RARG: variants seen among roughly 807,000 people sequenced by gnomAD.
The protein encoded by RARG is retinoic acid receptor gamma, also known as RAR-gamma.
Under a neutral mutation model 43.7 loss-of-function variants are expected in RARG, and 17 were observed. The ratio of observed to expected loss-of-function variants is 0.39; its 90% confidence interval spans 0.27 to 0.58. The LOEUF is 0.58. Ranked by LOEUF, RARG falls within the 20% of genes least tolerant of loss-of-function variation. The pLI is 0.57. For missense variants in RARG, 346 were observed against 598.7 expected (o/e 0.58, Z 4.40); for synonymous variants, 238 against 236.4 (o/e 1.01, Z -0.06).
intron 3 of RARG, among the ~76,000 whole-genome samples, chr12:53,216,387 T>C (rs1419678942): frequency 6.6e-6 from 1 of 152,150 alleles, no homozygotes; most frequent in African/African-American, 2.4e-5. Context: ...TCCTCAGGCT[T>C]ATCTCTCTCA....
Position 53,211,203 on chromosome 12 carries a change from C to T in RARG, c.*473G>A, listed in dbSNP as rs1942578903. On this transcript the variant is annotated 3_prime_UTR_variant, in exon 10 of 10. Coordinates refer to ENST00000425354, the MANE Select transcript of RARG (RefSeq NM_000966.6). This position sits in a 1 kb window ranked among gnomAD's most constrained non-coding sequence, Gnocchi z 4.6. The stretch of plus-strand genomic sequence containing the variant: ...CAAGGACGGGGCACAGAGGCTAGCA[C>T]ACACCCTGCAGGTGCATCACACAGC... 6.5e-6 allele frequency: 1 copy of T among 153,570 alleles called. No individual in the cohort carries two copies. Among genetic ancestry groups the T allele is most frequent in the East Asian group, 1.9e-4 (1 of 5,222 alleles). 9.5% of individuals were successfully genotyped at this position (153,570 alleles called of 1,614,324 possible). A position where few individuals can be genotyped will look rare whatever the true frequency, so the allele number is the denominator to read the frequency against.
chr12:53,220,068 A>C, intron 3 of RARG: 1 of 1,548,464 alleles, frequency 6.5e-7, no homozygotes, highest in Non-Finnish European at 8.7e-7. Flanking sequence ...GCCGTCGCGG[A>C]CCCGGGGCAA....
chr12:53,222,231 G>GAC (rs778113500), intron 3 of RARG, among the ~76,000 whole-genome samples: 4,266 of 93,216 alleles, frequency 0.046, 115 homozygotes, highest in South Asian at 0.19. Context: ...GAAAGAAAGA[G>GAC]AGAGAAAGAA....
Position 53,227,130 on chromosome 12 carries a change from C to T in RARG, c.184+232G>A, listed in dbSNP as rs1050137254. 7.2e-6 allele frequency among the ~76,000 whole-genome samples: 1 copy of T among 137,998 alleles called. No homozygotes were observed. The highest frequency in any genetic ancestry group is 3.4e-5 in the African/African-American group (1 of 29,750). The allele number at this position is 137,998 out of a possible 152,430, so 90.5% of individuals were successfully genotyped here. On this transcript the variant is annotated intron_variant, in intron 3 of 9. Transcript: ENST00000425354. The surrounding 1 kb of genome is among the most constrained non-coding windows in gnomAD (Gnocchi z 4.3). Reference sequence around the variant, plus strand: ...CCCCCAAGTTTTAGGCCTGCTACCTCCCTATCCTATTTGACAGGAGAACTC... The same window carrying T: ...CCCCCAAGTTTTAGGCCTGCTACCTTCCTATCCTATTTGACAGGAGAACTC...
chr12:53,216,841 T>TGTGTGTGC lies in RARG; in HGVS notation c.185-1048_185-1047insGCACACAC, dbSNP rs1430491578. ...GGGTAAGTGTGTGTGTGTGTGTGTGTGCGCGCGCGCGCGCGCGCGCGTGTG... is the reference window on the plus strand; with the variant it reads ...GGGTAAGTGTGTGTGTGTGTGTGTGTGTGTGTGCGCGCGCGCGCGCGCGCGCGCGTGTG... On this transcript the variant is annotated intron_variant, in intron 3 of 9. Coordinates refer to ENST00000425354, the MANE Select transcript of RARG (RefSeq NM_000966.6). Among the ~76,000 whole-genome samples, 42 of 129,432 alleles carry TGTGTGTGC rather than the reference T, an allele frequency of 3.2e-4. 1 individual carries two copies. The highest frequency in any genetic ancestry group is 2.0e-3 in the Admixed American group (27 of 13,628). The allele number at this position is 129,432 out of a possible 152,430, so 84.9% of individuals were successfully genotyped here. A position where few individuals can be genotyped will look rare whatever the true frequency, so the allele number is the denominator to read the frequency against.
In RARG at chr12:53,214,541, C is replaced by T; in HGVS notation, c.541G>A (p.Glu181Lys). The change falls in exon 6 of 10, where the codon GAG becomes AAG. Residue 181 changes from glutamate to lysine, a missense_variant. Glu to Lys is a moderately conservative substitution (Grantham distance 56, BLOSUM62 1). Transcript: ENST00000425354. ...AGCTCTTCTAACTGAGGGCTCAGCTCATAGCTGTCAGGTGACCCTTCTTCC... is the reference window on the plus strand; with the variant it reads ...AGCTCTTCTAACTGAGGGCTCAGCTTATAGCTGTCAGGTGACCCTTCTTCC... ...VKEEGSPDSY[E>K]LSPQLEELIT... 6 of 1,613,166 alleles carry T rather than the reference C, an allele frequency of 3.7e-6. No individual in the cohort carries two copies. The highest frequency in any genetic ancestry group is 5.1e-6 in the Non-Finnish European group (6 of 1,179,134).
At chr12:53,225,330 C>T (rs921496519) in intron 3 of RARG, among the ~76,000 whole-genome samples, 13 of 152,226 alleles carry the variant, frequency 8.5e-5, no homozygotes, top group Admixed American at 3.3e-4. Flanking sequence ...TCCCTCCTCA[C>T]TCCTCACACT....
rs1565716292 is a variant in RARG, at chr12:53,211,727, C to T, written c.1314G>A (p.Glu438=). The T allele has an allele frequency of 6.4e-6, 10 of 1,564,390 alleles. No homozygotes were observed. The highest frequency in any genetic ancestry group is 1.4e-5 in the African/African-American group (1 of 71,562). ...QPGPHPNASS[E]DEVPGGQGKG... Reference sequence around the variant, plus strand: ...TGCCCTGGCCCCCAGGAACCTCATCCTCGCTAGAGGCATTGGGGTGGGGAC... The same window carrying T: ...TGCCCTGGCCCCCAGGAACCTCATCTTCGCTAGAGGCATTGGGGTGGGGAC... Residue 438 remains glutamate, a synonymous_variant, in exon 10 of 10, where the codon GAG becomes GAA. Transcript: ENST00000425354. The surrounding 1 kb of genome is among the most constrained non-coding windows in gnomAD (Gnocchi z 4.6).
intron 3 of RARG, among the ~76,000 whole-genome samples, chr12:53,220,643 G>C (rs1942931328): frequency 6.6e-6 from 1 of 152,200 alleles, no homozygotes; most frequent in South Asian, 2.1e-4. Context: ...CCTTGCTCGG[G>C]AGAATGCTTG....
chr12:53,220,366 GAGAC>G, intron 3 of RARG: 1 of 963,420 alleles, frequency 1.0e-6, no homozygotes, highest in Non-Finnish European at 1.2e-6. Context: ...TAGCACTGGG[GAGAC>G]CTTTTTTAAA....
chr12:53,218,381 G>GA (rs35514846), intron 3 of RARG, among the ~76,000 whole-genome samples: 1 of 152,236 alleles, frequency 6.6e-6, no homozygotes, highest in Admixed American at 6.5e-5. Context: ...CCATAGGCCT[G>GA]AAAAAAGACA....
intron 3 of RARG, chr12:53,220,194 GGGGGGA>G: frequency 6.5e-7 from 1 of 1,549,022 alleles, no homozygotes; most frequent in Middle Eastern, 1.8e-4. Context: ...GCTCCAGCAG[GGGGGGA>G]GGGGGAGGGC....
At chr12:53,221,836 G>C (rs1592441632) in intron 3 of RARG, among the ~76,000 whole-genome samples, 1 of 151,380 alleles carries the variant, frequency 6.6e-6, no homozygotes, top group Non-Finnish European at 1.5e-5. Flanking sequence ...CGGGAGCGGC[G>C]CCCGGCCCGG....
chr12:53,227,355 G>C lies in RARG; in HGVS notation c.184+7C>G. On this transcript the variant is annotated splice_region_variant and intron_variant, in intron 3 of 9. Coordinates refer to ENST00000425354, the MANE Select transcript of RARG (RefSeq NM_000966.6). This position sits in a 1 kb window ranked among gnomAD's most constrained non-coding sequence, Gnocchi z 4.3. Reference sequence around the variant, plus strand: ...TGCCTTCATTCCCCAAGATCCCTGAGACTCACACAGAGAGGCCATCTCCTT... The same window carrying C: ...TGCCTTCATTCCCCAAGATCCCTGACACTCACACAGAGAGGCCATCTCCTT... 2 of 1,538,012 alleles carry C rather than the reference G, an allele frequency of 1.3e-6. No homozygotes were observed. The highest frequency in any genetic ancestry group is 1.8e-6 in the Non-Finnish European group (2 of 1,141,614).
At chr12:53,214,028 G>A (rs774424101) in intron 7 of RARG, 31 bp downstream of exon 7, 3 of 1,592,224 alleles carry the variant, frequency 1.9e-6, no homozygotes, top group East Asian at 2.2e-5. Flanking sequence ...TGTGGGTCGG[G>A]CTGTGGCAGG....
rs765080727 is a variant in RARG at position 53,213,485 on chromosome 12, C to A, written c.1018+11G>T. The A allele has an allele frequency of 1.2e-6, 2 of 1,612,174 alleles. No homozygotes were observed. Among genetic ancestry groups the A allele is most frequent in the Admixed American group, 1.7e-5 (1 of 59,984 alleles). Reference sequence around the variant, plus strand: ...TGAGCACTGAGCAGACGCCAGGGGGCGCCCCCGCACCTCCGCAGATGAGGC... The same window carrying A: ...TGAGCACTGAGCAGACGCCAGGGGGAGCCCCCGCACCTCCGCAGATGAGGC... On this transcript the variant is annotated intron_variant, in intron 8 of 9. Coordinates refer to ENST00000425354, the MANE Select transcript of RARG (RefSeq NM_000966.6). The surrounding 1 kb of genome is among the most constrained non-coding windows in gnomAD (Gnocchi z 4.7).
chr12:53,220,052 C>A, intron 3 of RARG: 1 of 1,548,692 alleles, frequency 6.5e-7, no homozygotes, highest in Non-Finnish European at 8.7e-7. Flanking sequence ...CCGGCCGCCC[C>A]GTACAGCCGT....
chr12:53,216,416 A>G (rs1942761978), intron 3 of RARG, among the ~76,000 whole-genome samples: 1 of 152,156 alleles, frequency 6.6e-6, no homozygotes, highest in African/African-American at 2.4e-5. Context: ...CTGAATAACC[A>G]TCAGAGACAG....
chr12:53,220,976 G>C (rs1001484247), intron 3 of RARG, among the ~76,000 whole-genome samples: 1 of 151,542 alleles, frequency 6.6e-6, no homozygotes, highest in Non-Finnish European at 1.5e-5. Flanking sequence ...GCATTCCTGC[G>C]GCTCGGCGCG....
Sources: gnomAD v4.1 joint callset for allele counts (sites outside exome capture counted in the v4.1 genomes callset) on GRCh38, gnomAD v4.1.1 for gene constraint, Gnocchi (gnomAD v3.1) non-coding constraint, MANE v1.5 for transcripts, NCBI Gene and HGNC (gene_info 2026-07-23, HGNC 2026-07-21) for gene names.